BLK: variants seen among roughly 807,000 people sequenced by gnomAD.
The protein encoded by BLK is tyrosine-protein kinase Blk.
Under a neutral mutation model 61.8 loss-of-function variants are expected in BLK, and 64 were observed. That is an observed-to-expected ratio of 1.03 (90% confidence interval 0.85 to 1.27). The LOEUF is 1.27. Ranked by LOEUF, BLK falls within the 50% of genes most tolerant of loss-of-function variation. The probability of loss-of-function intolerance (pLI) is 0.00; values close to 1 mark genes in which losing one functional copy is unlikely to be tolerated. For missense variants in BLK, 853 were observed against 660.5 expected (o/e 1.29, Z -3.19); for synonymous variants, 351 against 272.0 (o/e 1.29, Z -2.86).
intron 1 of BLK, among the ~76,000 whole-genome samples, chr8:11,518,505 T>A (rs536996859): frequency 6.6e-6 from 1 of 152,224 alleles, no homozygotes; most frequent in African/African-American, 2.4e-5. Context: ...AAGGTCACTG[T>A]CACGCTGTTG....
Position 11,515,112 on chromosome 8 carries a change from T to G in BLK, c.-2+20521T>G, listed in dbSNP as rs2169892. On this transcript the variant is annotated intron_variant, in intron 1 of 12. Transcript: ENST00000259089. Reference sequence around the variant, plus strand: ...CGCCCAGTTGCAATGCACCAAGAACTTTCAGGGTTTTGCCCTGTTTTGCTG... The same window carrying G: ...CGCCCAGTTGCAATGCACCAAGAACGTTCAGGGTTTTGCCCTGTTTTGCTG... Among the ~76,000 whole-genome samples the G allele has an allele frequency of 7.0e-3, 1,066 of 152,246 alleles. 56 individuals are homozygous for G. The highest frequency in any genetic ancestry group is 0.06 in the Admixed American group (914 of 15,292).
intron 1 of BLK, among the ~76,000 whole-genome samples, chr8:11,498,436 A>C (rs1798435900): frequency 2.0e-5 from 3 of 152,226 alleles, no homozygotes. Flanking sequence ...TCAGATTCCC[A>C]AAGGGGTCTG....
chr8:11,551,649 A>G (rs1800911811), intron 6 of BLK, among the ~76,000 whole-genome samples: 1 of 152,130 alleles, frequency 6.6e-6, no homozygotes, highest in South Asian at 2.1e-4. Flanking sequence ...ACCATTCCAG[A>G]GTCAAGTTAG....
intron 1 of BLK, among the ~76,000 whole-genome samples, chr8:11,527,137 T>G (rs1694070979): frequency 6.6e-6 from 1 of 152,178 alleles, no homozygotes; most frequent in Non-Finnish European, 1.5e-5. Flanking sequence ...AATGTGGACG[T>G]CTAGACAGCA....
At position 11,563,047 on chromosome 8, in the gene BLK, G is replaced by C. The variant is rs1801563996; in HGVS notation, c.1249G>C (p.Asp417His). ...CTTCGGGGTCTTCACCATCAAAGCAGACGTGTGGTCGTTTGGAGTCCTCCT... is the reference window on the plus strand; with the variant it reads ...CTTCGGGGTCTTCACCATCAAAGCACACGTGTGGTCGTTTGGAGTCCTCCT... Reference protein sequence around the residue: ...IHFGVFTIKADVWSFGVLLME... With the variant: ...IHFGVFTIKAHVWSFGVLLME... Residue 417 changes from aspartate to histidine, a missense_variant, in exon 12 of 13, where the codon GAC becomes CAC. Transcript: ENST00000259089. 3 of 1,614,078 alleles carry C rather than the reference G, an allele frequency of 1.9e-6. No homozygotes were observed. Among genetic ancestry groups the C allele is most frequent in the Non-Finnish European group, 2.5e-6 (3 of 1,180,056 alleles).
chr8:11,529,938 G>C (rs981664777), intron 1 of BLK, among the ~76,000 whole-genome samples: 2 of 152,148 alleles, frequency 1.3e-5, no homozygotes, highest in African/African-American at 4.8e-5. Context: ...AACCAAATAT[G>C]GGGTCATCAG....
chr8:11,547,667 G>T lies in BLK; in HGVS notation c.176-365G>T, dbSNP rs190358340. ...AAGAGGAGGCTTATGGGCCTCCGAGGGCAGGTGTAGAATAAGAAGATGAGG... is the reference window on the plus strand; with the variant it reads ...AAGAGGAGGCTTATGGGCCTCCGAGTGCAGGTGTAGAATAAGAAGATGAGG... On this transcript the variant is annotated intron_variant, in intron 3 of 12. Coordinates refer to ENST00000259089, the MANE Select transcript of BLK (RefSeq NM_001715.3). Among the ~76,000 whole-genome samples the T allele has an allele frequency of 4.6e-5, 7 of 152,322 alleles. No homozygotes were observed. The East Asian group carries it at 1.4e-3, about 29-fold the overall frequency.
intron 1 of BLK, among the ~76,000 whole-genome samples, chr8:11,534,422 C>T (rs1322310941): frequency 6.6e-6 from 1 of 152,066 alleles, no homozygotes; most frequent in Non-Finnish European, 1.5e-5. Flanking sequence ...AAAATTCACT[C>T]ACATAAAGGA....
At chr8:11,508,266 C>G (rs1585327406) in intron 1 of BLK, among the ~76,000 whole-genome samples, 1 of 152,358 alleles carries the variant, frequency 6.6e-6, no homozygotes, top group Non-Finnish European at 1.5e-5. Flanking sequence ...TGGGAAATCA[C>G]CCGTGGCTTG....
At chr8:11,533,874 A>G (rs1309813236) in intron 1 of BLK, among the ~76,000 whole-genome samples, 1 of 152,258 alleles carries the variant, frequency 6.6e-6, no homozygotes, top group Non-Finnish European at 1.5e-5. Flanking sequence ...CATTTCATGG[A>G]GAGACAAGAG....
intron 1 of BLK, among the ~76,000 whole-genome samples, chr8:11,512,836 A>G (rs1196831587): frequency 6.6e-6 from 1 of 151,908 alleles, no homozygotes; most frequent in Non-Finnish European, 1.5e-5. Context: ...CCAGCTAATT[A>G]TTGTATTTTT....
intron 1 of BLK, among the ~76,000 whole-genome samples, chr8:11,512,349 A>G (rs375117738): frequency 1.3e-5 from 2 of 152,224 alleles, no homozygotes; most frequent in African/African-American, 4.8e-5. Flanking sequence ...AGGTCTAGCC[A>G]ATATCATTAT....
At chr8:11,535,215 G>GAA (rs755142538) in intron 1 of BLK, among the ~76,000 whole-genome samples, 17,599 of 111,268 alleles carry the variant, frequency 0.16, 1,521 homozygotes, top group East Asian at 0.25. Flanking sequence ...AAGAAAGAAA[G>GAA]AGAGAGAAAG....
intron 10 of BLK, among the ~76,000 whole-genome samples, chr8:11,559,151 A>T (rs1801364131): frequency 6.6e-6 from 1 of 152,146 alleles, no homozygotes; most frequent in Non-Finnish European, 1.5e-5. Context: ...CCAGGGGCAA[A>T]GGATGTGAAA....
At chr8:11,558,142 T>A (rs1801321916) in intron 10 of BLK, 104 bp downstream of exon 10, 3 of 1,205,350 alleles carry the variant, frequency 2.5e-6, no homozygotes, top group Non-Finnish European at 2.4e-6. Context: ...GCAGGAGAAG[T>A]CAGGGGGTAC....
At chr8:11,549,962 G>T (rs1800823615) in intron 5 of BLK, 197 bp from the exon 6 acceptor site, 1 of 642,390 alleles carries the variant, frequency 1.6e-6, no homozygotes, top group East Asian at 2.8e-5. Flanking sequence ...GGGCTGACAG[G>T]AAGCGGAACT....
intron 1 of BLK, among the ~76,000 whole-genome samples, chr8:11,495,271 A>G (rs2117219440): frequency 6.6e-6 from 1 of 152,346 alleles, no homozygotes; most frequent in Admixed American, 6.5e-5. Context: ...GTTCACCCTC[A>G]TCCACCCACA....
At chr8:11,519,850 A>T (rs2117325710) in intron 1 of BLK, among the ~76,000 whole-genome samples, 1 of 152,348 alleles carries the variant, frequency 6.6e-6, no homozygotes, top group East Asian at 1.9e-4. Flanking sequence ...ACAACTTGAA[A>T]ATGTGCATAT....
chr8:11,550,438 C>A (rs1800849763), intron 6 of BLK, among the ~76,000 whole-genome samples, 176 bp downstream of exon 6: 1 of 152,240 alleles, frequency 6.6e-6, no homozygotes, highest in Non-Finnish European at 1.5e-5. Context: ...GGGCTGTCCA[C>A]ACAGTCCTCC....
Sources: allele counts gnomAD v4.1 joint callset (sites outside exome capture counted in the v4.1 genomes callset), GRCh38; gene constraint gnomAD v4.1.1; transcripts MANE v1.5; gene names NCBI Gene and HGNC (gene_info 2026-07-23, HGNC 2026-07-21).